ATP9B: variants seen among roughly 807,000 people sequenced by gnomAD.
ATP9B encodes probable phospholipid-transporting ATPase IIB.
In ATP9B, 110 loss-of-function variants were observed where a neutral mutation model predicts 146.1. The observed-to-expected ratio is 0.75, with a 90% CI of 0.65 to 0.88. The LOEUF is 0.88. ATP9B is among the 40% of genes least tolerant of loss of function. The pLI is 0.00. For synonymous variants in ATP9B, 604 were observed against 569.7 expected, an observed-to-expected ratio of 1.06 and a Z score of -0.86; for missense variants, 1,499 against 1,496.4, an observed-to-expected ratio of 1.00 and a Z score of -0.03.
chr18:79,172,212 C>G (rs1447738653), intron 7 of ATP9B, among the ~76,000 whole-genome samples: 1 of 147,304 alleles, frequency 6.8e-6, no homozygotes, highest in Non-Finnish European at 1.5e-5. Flanking sequence ...GTGCCCCGCC[C>G]TTGCGATCCG....
intron 7 of ATP9B, among the ~76,000 whole-genome samples, chr18:79,175,348 C>T (rs2095147875): frequency 6.6e-6 from 1 of 151,912 alleles, no homozygotes; most frequent in Non-Finnish European, 1.5e-5. Flanking sequence ...TGTAATTTGG[C>T]TTTTTAATTA....
At chr18:79,171,840 T>C (rs1487819011) in intron 7 of ATP9B, among the ~76,000 whole-genome samples, 3 of 151,952 alleles carry the variant, frequency 2.0e-5, no homozygotes, top group African/African-American at 4.8e-5. Context: ...TGGAGTGTTA[T>C]ATAAATGAAA....
At chr18:79,310,256 G>T (rs1420527217) in intron 15 of ATP9B, among the ~76,000 whole-genome samples, 1 of 152,232 alleles carries the variant, frequency 6.6e-6, no homozygotes, top group East Asian at 1.9e-4. Context: ...GCCTCATCAT[G>T]CACAGTACGG....
intron 1 of ATP9B, among the ~76,000 whole-genome samples, chr18:79,079,335 C>T (rs2072994935): frequency 6.6e-6 from 1 of 152,148 alleles, no homozygotes; most frequent in Non-Finnish European, 1.5e-5. Context: ...TGTTTCCTGA[C>T]TTTTTAGTGA....
intron 11 of ATP9B, among the ~76,000 whole-genome samples, chr18:79,220,084 G>C (rs1398109372): frequency 6.6e-6 from 1 of 152,166 alleles, no homozygotes; most frequent in Admixed American, 6.5e-5. Context: ...TTTGCATGTG[G>C]ACATGTAAGC....
intron 9 of ATP9B, among the ~76,000 whole-genome samples, chr18:79,199,817 C>A (rs2095450205): frequency 6.6e-6 from 1 of 151,896 alleles, no homozygotes; most frequent in Non-Finnish European, 1.5e-5. Context: ...TTAGCCTAGG[C>A]CTACTCGGAT....
intron 6 of ATP9B, among the ~76,000 whole-genome samples, chr18:79,151,095 C>G (rs1171873036): frequency 6.6e-6 from 1 of 152,154 alleles, no homozygotes; most frequent in Non-Finnish European, 1.5e-5. Context: ...CAGGCTGATT[C>G]TGAAATTCAT....
intron 26 of ATP9B, among the ~76,000 whole-genome samples, chr18:79,369,436 G>A (rs1279993941): frequency 6.6e-6 from 1 of 151,594 alleles, no homozygotes; most frequent in East Asian, 1.9e-4. Context: ...GGGAGGCTGA[G>A]GTAGGAGAAT....
At chr18:79,304,028 A>G (rs912804608) in intron 14 of ATP9B, among the ~76,000 whole-genome samples, 5 of 152,134 alleles carry the variant, frequency 3.3e-5, no homozygotes, top group Admixed American at 6.5e-5. Context: ...TACTACATCA[A>G]TATGTTTTCT....
intron 11 of ATP9B, among the ~76,000 whole-genome samples, chr18:79,222,493 C>T (rs1164998253): frequency 6.6e-6 from 1 of 152,206 alleles, no homozygotes; most frequent in Non-Finnish European, 1.5e-5. Context: ...GCAGAGCTAC[C>T]TGTATTGATC....
intron 15 of ATP9B, among the ~76,000 whole-genome samples, chr18:79,311,482 G>C (rs562284620): frequency 6.6e-6 from 1 of 152,252 alleles, no homozygotes; most frequent in Admixed American, 6.5e-5. Flanking sequence ...CAGATTCATG[G>C]TATTCGACAA....
At position 79,113,360 on chromosome 18, in the gene ATP9B, A is replaced by G; in HGVS notation, c.558+6A>G. On this transcript the variant is annotated splice_donor_region_variant and intron_variant, in intron 4 of 29. Coordinates refer to ENST00000426216, the MANE Select transcript of ATP9B (RefSeq NM_198531.5). ...ACACCTACTGGGCTCCTCTGGTAAGAAAAGACTTTAAAAATTAAGTTAAAT... is the reference window on the plus strand; with the variant it reads ...ACACCTACTGGGCTCCTCTGGTAAGGAAAGACTTTAAAAATTAAGTTAAAT... The G allele has an allele frequency of 7.1e-7, 1 of 1,415,292 alleles. No homozygotes were observed. The highest frequency in any genetic ancestry group is 9.8e-7 in the Non-Finnish European group (1 of 1,020,984). 87.7% of individuals were successfully genotyped at this position (1,415,292 alleles called of 1,614,324 possible).
chr18:79,308,897 G>C (rs879231378), intron 15 of ATP9B, among the ~76,000 whole-genome samples: 1 of 115,614 alleles, frequency 8.6e-6, no homozygotes. Flanking sequence ...GGGCTGAGGA[G>C]TGATCCCCAG....
intron 11 of ATP9B, among the ~76,000 whole-genome samples, chr18:79,252,581 T>C (rs1389332864): frequency 6.6e-6 from 1 of 152,200 alleles, no homozygotes; most frequent in African/African-American, 2.4e-5. Flanking sequence ...CAGTGAGAGC[T>C]GCTTGGGTTG....
In ATP9B at chr18:79,295,724, A is replaced by G. The variant is rs56215473; in HGVS notation, c.1412-7880A>G. 4.9e-3 allele frequency among the ~76,000 whole-genome samples: 750 copies of G among 152,288 alleles called. 11 individuals are homozygous for G. Among genetic ancestry groups the G allele is most frequent in the African/African-American group, 0.016 (680 of 41,568 alleles). ...TTGAAACTGAGTCCCAGATGATGGC[A>G]TAGTACTAATTAGGAGAGGTGACTG... On this transcript the variant is annotated intron_variant, in intron 13 of 29. Coordinates refer to ENST00000426216, the MANE Select transcript of ATP9B (RefSeq NM_198531.5).
intron 19 of ATP9B, 142 bp downstream of exon 19, chr18:79,337,591 C>G: frequency 8.5e-7 from 1 of 1,173,148 alleles, no homozygotes; most frequent in Non-Finnish European, 1.2e-6. Flanking sequence ...ACCAGCTCCC[C>G]TCCTTCCTTA....
chr18:79,188,875 C>T (rs2095334285), intron 8 of ATP9B, among the ~76,000 whole-genome samples: 1 of 135,934 alleles, frequency 7.4e-6, no homozygotes, highest in South Asian at 2.4e-4. Flanking sequence ...TATTTTATCT[C>T]TTGGCTTTTT....
At chr18:79,269,413 T>C (rs2145519328) in intron 12 of ATP9B, among the ~76,000 whole-genome samples, 1 of 152,376 alleles carries the variant, frequency 6.6e-6, no homozygotes, top group Non-Finnish European at 1.5e-5. Flanking sequence ...TATTGATATT[T>C]CTTAGTTCTA....
chr18:79,271,132 C>G (rs2096249167), intron 12 of ATP9B, among the ~76,000 whole-genome samples: 1 of 152,182 alleles, frequency 6.6e-6, no homozygotes, highest in Admixed American at 6.5e-5. Context: ...CACTTTATTG[C>G]AAATCTCCAA....
Sources: allele counts gnomAD v4.1 joint callset (sites outside exome capture counted in the v4.1 genomes callset), GRCh38; gene constraint gnomAD v4.1.1; transcripts MANE v1.5; gene names NCBI Gene and HGNC (gene_info 2026-07-23, HGNC 2026-07-21).